The following PDGFC variants were observed in gnomAD, a reference collection of about 807,000 sequenced individuals.
The protein encoded by PDGFC is platelet derived growth factor C, also known as platelet-derived growth factor C.
In PDGFC, 12 loss-of-function variants were observed where a neutral mutation model predicts 35.5. The ratio of observed to expected loss-of-function variants is 0.34; its 90% confidence interval spans 0.22 to 0.55. The LOEUF is 0.55. Among genes scored for constraint, PDGFC ranks in the 20% least tolerant of loss-of-function variants. PDGFC has a pLI of 0.91. For synonymous variants in PDGFC, 159 were observed against 148.8 expected, an observed-to-expected ratio of 1.07 and a Z score of -0.50; for missense variants, 322 against 412.4, an observed-to-expected ratio of 0.78 and a Z score of 1.90.
intron 3 of PDGFC, among the ~76,000 whole-genome samples, chr4:156,787,723 G>A (rs1409791703): frequency 1.3e-5 from 2 of 152,146 alleles, no homozygotes; most frequent in African/African-American, 4.8e-5. Context: ...AGATGAATGA[G>A]ATGGAGTAAG....
Position 156,857,078 on chromosome 4 carries a change from GTT to G in PDGFC, c.119-6664_119-6663del, listed in dbSNP as rs199579839. On this transcript the variant is annotated intron_variant, in intron 1 of 5. Transcript: ENST00000502773. ...TAGGCAAGCCACTTGATATCTGAGG[GTT>G]TTTTTTTTTTGATAAACTGGAGATA... 5.6e-3 allele frequency among the ~76,000 whole-genome samples: 800 copies of G among 143,020 alleles called. 21 individuals carry two copies. The East Asian group carries it at 0.08, about 14-fold the overall frequency. The allele number at this position is 143,020 out of a possible 152,430, so 93.8% of individuals were successfully genotyped here.
At chr4:156,792,185 T>A (rs183830787) in intron 3 of PDGFC, among the ~76,000 whole-genome samples, 5 of 152,250 alleles carry the variant, frequency 3.3e-5, no homozygotes, top group African/African-American at 1.2e-4. Context: ...CTGAATCTGG[T>A]GGGTGAGTGG....
At chr4:156,837,629 C>T (rs1020011125) in intron 2 of PDGFC, among the ~76,000 whole-genome samples, 3 of 150,986 alleles carry the variant, frequency 2.0e-5, no homozygotes, top group Non-Finnish European at 2.9e-5. Context: ...TTCCAAAATC[C>T]CCCAAATGCT....
intron 3 of PDGFC, among the ~76,000 whole-genome samples, chr4:156,809,296 A>G (rs1415561592): frequency 6.6e-6 from 1 of 152,034 alleles, no homozygotes; most frequent in Non-Finnish European, 1.5e-5. Flanking sequence ...CATTTGGCCT[A>G]AAGTCTCCCA....
In PDGFC at chr4:156,763,041, A is replaced by G. The variant is rs1193460429; in HGVS notation, c.*49T>C. On this transcript the variant is annotated 3_prime_UTR_variant, in exon 6 of 6. Coordinates refer to ENST00000502773, the MANE Select transcript of PDGFC (RefSeq NM_016205.3). ...AACGCATACGTTCTCTAATAGAATC[A>G]GCCACTGCACTGCACAGCTCTGGGC... is the stretch of plus-strand genomic sequence containing the variant. 1.1e-6 allele frequency: 1 copy of G among 906,244 alleles called. No individual in the cohort carries two copies. The highest frequency in any genetic ancestry group is 2.4e-5 in the East Asian group (1 of 41,432). The allele number at this position is 906,244 out of a possible 1,614,324, so 56.1% of individuals were successfully genotyped here.
chr4:156,924,478 C>A (rs987234064), intron 1 of PDGFC, among the ~76,000 whole-genome samples: 2 of 152,176 alleles, frequency 1.3e-5, no homozygotes, highest in East Asian at 3.9e-4. Flanking sequence ...TGGTAAGAGC[C>A]ATGCAGAGAA....
intron 1 of PDGFC, among the ~76,000 whole-genome samples, chr4:156,856,418 T>C (rs888960476): frequency 1.3e-5 from 2 of 152,176 alleles, no homozygotes; most frequent in South Asian, 2.1e-4. Flanking sequence ...CTTCATGCGA[T>C]AACCTCTAGG....
At chr4:156,781,202 A>G (rs1730971519) in intron 3 of PDGFC, among the ~76,000 whole-genome samples, 1 of 152,158 alleles carries the variant, frequency 6.6e-6, no homozygotes, top group South Asian at 2.1e-4. Context: ...GCTACACTCC[A>G]TATCCCACAT....
intron 2 of PDGFC, among the ~76,000 whole-genome samples, chr4:156,839,292 C>G (rs577144844): frequency 6.6e-6 from 1 of 152,166 alleles, no homozygotes; most frequent in South Asian, 2.1e-4. Flanking sequence ...CAACATGGGG[C>G]AGTTACCCTC....
rs188003854 is a variant in PDGFC at position 156,943,184 on chromosome 4, T to C, written c.118+27602A>G. Among the ~76,000 whole-genome samples the C allele has an allele frequency of 2.0e-5, 3 of 152,140 alleles. No individual in the cohort carries two copies. The East Asian group carries it at 5.8e-4, about 30-fold the overall frequency. On this transcript the variant is annotated intron_variant, in intron 1 of 5. Coordinates refer to ENST00000502773, the MANE Select transcript of PDGFC (RefSeq NM_016205.3). ...GGCTCAACCCCCCGGTGTATCAATA[T>C]ATCAACAGCACAGATCAGAAATGAC... is the stretch of plus-strand genomic sequence containing the variant.
At position 156,829,967 on chromosome 4, in the gene PDGFC, T is replaced by C. The variant is rs1728888121; in HGVS notation, c.315-18950A>G. Among the ~76,000 whole-genome samples, 3 of 152,192 alleles carry C rather than the reference T, an allele frequency of 2.0e-5. No homozygotes were observed. In the East Asian group the frequency reaches 5.8e-4, roughly 29 times the overall value. On this transcript the variant is annotated intron_variant, in intron 2 of 5. Coordinates refer to ENST00000502773, the MANE Select transcript of PDGFC (RefSeq NM_016205.3). ...GGTAGTGTGAGAACCTTCCCACTAG[T>C]ACTACTTCACTAATTTAATAGAACC...
intron 1 of PDGFC, among the ~76,000 whole-genome samples, chr4:156,902,874 T>C (rs1217692494): frequency 6.6e-6 from 1 of 152,188 alleles, no homozygotes; most frequent in East Asian, 1.9e-4. Flanking sequence ...TTTACGTCCC[T>C]GTAAAATTCT....
intron 2 of PDGFC, among the ~76,000 whole-genome samples, chr4:156,845,090 G>A (rs1265416290): frequency 6.6e-6 from 1 of 151,692 alleles, no homozygotes; most frequent in Non-Finnish European, 1.5e-5. Flanking sequence ...ATCTGTAACT[G>A]CATTTTAAAA....
At chr4:156,776,874 T>C (rs749290864) in intron 3 of PDGFC, among the ~76,000 whole-genome samples, 36 of 152,160 alleles carry the variant, frequency 2.4e-4, no homozygotes, top group Non-Finnish European at 5.0e-4. Flanking sequence ...CTACAAAATA[T>C]GGTAGCTATA....
At chr4:156,952,333 T>C (rs1732103438) in intron 1 of PDGFC, among the ~76,000 whole-genome samples, 1 of 151,864 alleles carries the variant, frequency 6.6e-6, no homozygotes, top group Non-Finnish European at 1.5e-5. Flanking sequence ...TTCTTCAAAA[T>C]GTAATACTTA....
At chr4:156,827,141 G>C (rs1359545696) in intron 2 of PDGFC, among the ~76,000 whole-genome samples, 2 of 152,134 alleles carry the variant, frequency 1.3e-5, no homozygotes, top group Non-Finnish European at 1.5e-5. Flanking sequence ...AGATTGGCTG[G>C]GCACAGTGGC....
chr4:156,816,334 A>G (rs1387899366), intron 2 of PDGFC, among the ~76,000 whole-genome samples: 1 of 152,240 alleles, frequency 6.6e-6, no homozygotes, highest in Non-Finnish European at 1.5e-5. Context: ...AAAATTAAGA[A>G]GATGACAAAC....
intron 2 of PDGFC, among the ~76,000 whole-genome samples, chr4:156,813,305 T>G (rs1403497808): frequency 6.6e-6 from 1 of 152,118 alleles, no homozygotes; most frequent in Non-Finnish European, 1.5e-5. Context: ...TATGAAACAC[T>G]GATTTGGCGC....
chr4:156,955,689 T>C (rs555896839), intron 1 of PDGFC, among the ~76,000 whole-genome samples: 246 of 152,060 alleles, frequency 1.6e-3, no homozygotes, highest in African/African-American at 4.6e-3. Flanking sequence ...ACACCCTTAT[T>C]ATTAGGAATT....
Sources: allele counts gnomAD v4.1 joint callset (sites outside exome capture counted in the v4.1 genomes callset), GRCh38; gene constraint gnomAD v4.1.1; transcripts MANE v1.5; gene names NCBI Gene and HGNC (gene_info 2026-07-23, HGNC 2026-07-21).